Variants in GLRA3 observed in about 807,000 individuals in gnomAD.
GLRA3 encodes the protein glycine receptor alpha 3.
Under a neutral mutation model 60.4 loss-of-function variants are expected in GLRA3, and 44 were observed. That is an observed-to-expected ratio of 0.73 (90% CI 0.57 to 0.94). The LOEUF is 0.94. Among genes scored for constraint, GLRA3 ranks in the 40% least tolerant of loss-of-function variants. The pLI is 0.00. For missense variants in GLRA3, 508 were observed against 564.6 expected (o/e 0.90, Z 1.02); for synonymous variants, 223 against 192.9 (o/e 1.16, Z -1.29).
chr4:174,652,749 A>G (rs535385236), intron 9 of GLRA3, among the ~76,000 whole-genome samples: 2 of 152,110 alleles, frequency 1.3e-5, no homozygotes, highest in Non-Finnish European at 2.9e-5. Context: ...CAGTCATTGA[A>G]TAAAATTGCT....
chr4:174,768,881 A>T (rs1189030339), intron 2 of GLRA3, among the ~76,000 whole-genome samples: 1 of 152,164 alleles, frequency 6.6e-6, no homozygotes, highest in Non-Finnish European at 1.5e-5. Flanking sequence ...GTATAAATAG[A>T]AACGTAAAAA....
intron 3 of GLRA3, among the ~76,000 whole-genome samples, chr4:174,757,904 C>T (rs1394420672): frequency 2.6e-5 from 4 of 152,104 alleles, no homozygotes; most frequent in African/African-American, 7.2e-5. Context: ...GTTTGGGTCA[C>T]GGGGGTGGAT....
intron 3 of GLRA3, among the ~76,000 whole-genome samples, chr4:174,733,176 C>G (rs1228466170): frequency 6.6e-6 from 1 of 151,990 alleles, no homozygotes; most frequent in African/African-American, 2.4e-5. Flanking sequence ...AAGAAAGAGC[C>G]AAAGAATGTG....
At chr4:174,722,278 T>C (rs1162559625) in intron 4 of GLRA3, among the ~76,000 whole-genome samples, 1 of 152,150 alleles carries the variant, frequency 6.6e-6, no homozygotes, top group Admixed American at 6.5e-5. Flanking sequence ...TCTTGCTTCC[T>C]GCTTAGTTCA....
At chr4:174,686,060 G>A (rs1207637568) in intron 5 of GLRA3, among the ~76,000 whole-genome samples, 1 of 152,122 alleles carries the variant, frequency 6.6e-6, no homozygotes, top group Non-Finnish European at 1.5e-5. Flanking sequence ...ATCCACATTA[G>A]TTTAGGTATG....
At chr4:174,788,756 A>G in intron 2 of GLRA3, 60 bp downstream of exon 2, 2 of 1,138,532 alleles carry the variant, frequency 1.8e-6, no homozygotes, top group Non-Finnish European at 1.2e-6. Flanking sequence ...TTAATTTAAA[A>G]CTGTACCTTG....
At chr4:174,717,528 A>G (rs994015972) in intron 4 of GLRA3, among the ~76,000 whole-genome samples, 1 of 152,202 alleles carries the variant, frequency 6.6e-6, no homozygotes, top group African/African-American at 2.4e-5. Context: ...TACAGAGAGT[A>G]TGCTTGGTGA....
chr4:174,734,019 C>CT (rs142249731), intron 3 of GLRA3, among the ~76,000 whole-genome samples: 9,327 of 148,908 alleles, frequency 0.063, 329 homozygotes, highest in South Asian at 0.11. Flanking sequence ...AATAGACTTT[C>CT]TTTTTTTTTT....
chr4:174,672,030 C>T (rs974468342), intron 7 of GLRA3, among the ~76,000 whole-genome samples: 1 of 152,158 alleles, frequency 6.6e-6, no homozygotes, highest in Non-Finnish European at 1.5e-5. Flanking sequence ...GTAAAAGGTT[C>T]TAAGTAATCA....
intron 5 of GLRA3, among the ~76,000 whole-genome samples, chr4:174,691,567 T>C (rs1426646782): frequency 1.3e-5 from 2 of 152,190 alleles, no homozygotes; most frequent in Admixed American, 6.5e-5. Context: ...GGTTTTCGTA[T>C]TTTTTTGGTG....
intron 1 of GLRA3, among the ~76,000 whole-genome samples, chr4:174,802,190 TG>T (rs1739840063): frequency 6.6e-6 from 1 of 151,858 alleles, no homozygotes; most frequent in African/African-American, 2.4e-5. Flanking sequence ...AAGTTAGGAG[TG>T]ATGCTGATGA....
At chr4:174,812,155 A>G (rs1740300857) in intron 1 of GLRA3, among the ~76,000 whole-genome samples, 1 of 152,164 alleles carries the variant, frequency 6.6e-6, no homozygotes, top group Non-Finnish European at 1.5e-5. Context: ...ATTTTAAGTT[A>G]TAGATTTACA....
intron 3 of GLRA3, among the ~76,000 whole-genome samples, chr4:174,746,110 A>G (rs1737234825): frequency 6.6e-6 from 1 of 152,154 alleles, no homozygotes; most frequent in Admixed American, 6.5e-5. Context: ...TAAAAGTAGA[A>G]CTACCACACA....
intron 3 of GLRA3, among the ~76,000 whole-genome samples, chr4:174,745,640 C>A (rs574508395): frequency 3.2e-4 from 48 of 151,944 alleles, no homozygotes; most frequent in African/African-American, 1.0e-3. Flanking sequence ...ACAAATGAGA[C>A]CATATTAAAC....
At chr4:174,802,536 T>A (rs939051139) in intron 1 of GLRA3, among the ~76,000 whole-genome samples, 4 of 152,096 alleles carry the variant, frequency 2.6e-5, no homozygotes, top group African/African-American at 9.7e-5. Flanking sequence ...TTCCCTATTA[T>A]ATAGACCTCC....
intron 3 of GLRA3, among the ~76,000 whole-genome samples, chr4:174,748,820 T>C (rs1737347298): frequency 6.6e-6 from 1 of 152,082 alleles, no homozygotes; most frequent in Admixed American, 6.6e-5. Flanking sequence ...ACCCTCCATT[T>C]GACCTGTCTT....
chr4:174,677,043 G>T, intron 7 of GLRA3, 35 bp downstream of exon 7: 2 of 1,225,794 alleles, frequency 1.6e-6, no homozygotes, highest in Admixed American at 1.7e-5. Flanking sequence ...ATAAGTGTGT[G>T]TGCAAAGATG....
chr4:174,670,129 G>A (rs944723928), intron 7 of GLRA3, among the ~76,000 whole-genome samples: 1 of 152,098 alleles, frequency 6.6e-6, no homozygotes, highest in Admixed American at 6.6e-5. Context: ...AAATCTAGAT[G>A]TCACTGAAAA....
intron 3 of GLRA3, among the ~76,000 whole-genome samples, chr4:174,740,102 C>T (rs1736957494): frequency 6.6e-6 from 1 of 152,152 alleles, no homozygotes; most frequent in Admixed American, 6.5e-5. Flanking sequence ...ACCTCATTTG[C>T]ACTCGCATCT....
Sources: gnomAD v4.1 joint callset for allele counts (sites outside exome capture counted in the v4.1 genomes callset) on GRCh38, gnomAD v4.1.1 for gene constraint, MANE v1.5 for transcripts, NCBI Gene and HGNC (gene_info 2026-07-23, HGNC 2026-07-21) for gene names.